Variants in PSPH observed in about 807,000 individuals in gnomAD.
PSPH encodes the protein L-3-phosphoserine phosphatase.
Under a neutral mutation model 23.4 loss-of-function variants are expected in PSPH, and 16 were observed. The ratio of observed to expected loss-of-function variants is 0.68; its 90% CI spans 0.46 to 1.04. PSPH has a LOEUF of 1.04. Ranked by LOEUF, PSPH falls within the 50% of genes least tolerant of loss-of-function variation. The pLI is 0.00. For missense variants in PSPH, 223 were observed against 273.7 expected, an observed-to-expected ratio of 0.81 and a Z score of 1.31; for synonymous variants, 68 against 99.7, an observed-to-expected ratio of 0.68 and a Z score of 1.89.
Position 56,048,776 on chromosome 7 carries a change from C to T in PSPH, c.-292+2362G>A, listed in dbSNP as rs149539394. On this transcript the variant is annotated intron_variant, in intron 1 of 7. Transcript: ENST00000275605. ...CCACACAAGTAGCTGGGATTACAGG[C>T]GTGTGCCACCACACCTGGCTTTTTT... Among the ~76,000 whole-genome samples, 161 of 147,476 alleles carry T rather than the reference C, an allele frequency of 1.1e-3. 1 individual carries two copies. The highest frequency in any genetic ancestry group is 3.8e-3 in the African/African-American group (153 of 40,126).
At chr7:56,038,195 T>C (rs561249139) in intron 1 of PSPH, among the ~76,000 whole-genome samples, 8 of 150,948 alleles carry the variant, frequency 5.3e-5, no homozygotes, top group African/African-American at 7.3e-5. Flanking sequence ...TCCCAGCACT[T>C]TGGGAGGCCG....
In PSPH at chr7:56,011,486, G is replaced by A. The variant is rs1241780554; in HGVS notation, c.*276C>T. The A allele has an allele frequency of 2.1e-5, 5 of 240,240 alleles. No homozygotes were observed. Among genetic ancestry groups the A allele is most frequent in the African/African-American group, 7.1e-5 (3 of 42,248 alleles). The allele number at this position is 240,240 out of a possible 1,614,324, so 14.9% of individuals were successfully genotyped here. A position where few individuals can be genotyped will look rare whatever the true frequency, so the allele number is the denominator to read the frequency against. ...AGAGCTTGCAGTGAGCCGAGACCGC[G>A]CCACTGCACTCCAGCCTGGGCAACA... On this transcript the variant is annotated 3_prime_UTR_variant, in exon 8 of 8. Coordinates refer to ENST00000275605, the MANE Select transcript of PSPH (RefSeq NM_004577.4).
chr7:56,040,325 T>C (rs968748304), intron 1 of PSPH, among the ~76,000 whole-genome samples: 1 of 152,114 alleles, frequency 6.6e-6, no homozygotes, highest in Admixed American at 6.6e-5. Flanking sequence ...CCAGGTATGA[T>C]ATATGGTTAT....
chr7:56,037,811 C>T (rs1791931859), intron 1 of PSPH, among the ~76,000 whole-genome samples: 1 of 145,284 alleles, frequency 6.9e-6, no homozygotes, highest in Admixed American at 7.3e-5. Context: ...CTCCTGGGTT[C>T]AAGTGATTCT....
At chr7:56,034,802 C>T (rs1216861104) in intron 1 of PSPH, among the ~76,000 whole-genome samples, 1 of 150,138 alleles carries the variant, frequency 6.7e-6, no homozygotes, top group Middle Eastern at 3.4e-3. Context: ...AGGCGTGAGC[C>T]ACCACGCCCG....
At chr7:56,015,241 G>T in intron 6 of PSPH, 70 bp from the exon 7 acceptor site, 1 of 1,553,694 alleles carries the variant, frequency 6.4e-7, no homozygotes, top group East Asian at 2.2e-5. Flanking sequence ...TTTCTGCATA[G>T]ATGATATCTT....
At chr7:56,014,095 C>T (rs2116492265) in intron 7 of PSPH, among the ~76,000 whole-genome samples, 1 of 152,300 alleles carries the variant, frequency 6.6e-6, no homozygotes, top group African/African-American at 2.4e-5. Context: ...CACCACTGCA[C>T]TCCAGCCTGG....
intron 3 of PSPH, among the ~76,000 whole-genome samples, chr7:56,022,331 C>G (rs1220781398): frequency 6.6e-6 from 1 of 151,914 alleles, no homozygotes; most frequent in Non-Finnish European, 1.5e-5. Context: ...AAGACCCTGA[C>G]TCTAACTAAA....
intron 7 of PSPH, among the ~76,000 whole-genome samples, chr7:56,013,731 C>CA (rs1443530706): frequency 1.3e-5 from 2 of 148,890 alleles, no homozygotes; most frequent in Non-Finnish European, 3.0e-5. Context: ...ACCCTGTCTC[C>CA]AAAAAATAAA....
intron 1 of PSPH, among the ~76,000 whole-genome samples, chr7:56,049,010 C>T (rs1793618651): frequency 6.6e-6 from 1 of 151,908 alleles, no homozygotes; most frequent in Non-Finnish European, 1.5e-5. Context: ...AGCTCCGCCT[C>T]TTGGATTCAT....
intron 7 of PSPH, among the ~76,000 whole-genome samples, chr7:56,012,836 C>A (rs919334676): frequency 6.7e-6 from 1 of 148,598 alleles, no homozygotes; most frequent in Non-Finnish European, 1.5e-5. Context: ...CTCAGGTGAT[C>A]CACCTGCCTC....
intron 3 of PSPH, among the ~76,000 whole-genome samples, chr7:56,023,921 T>C (rs532802309): frequency 2.6e-4 from 38 of 147,858 alleles, no homozygotes; most frequent in African/African-American, 8.9e-4. Context: ...TTTATTTTAC[T>C]TTTTTTTTTT....
chr7:56,014,812 G>T (rs1056489640), intron 7 of PSPH, among the ~76,000 whole-genome samples: 1 of 152,014 alleles, frequency 6.6e-6, no homozygotes, highest in Non-Finnish European at 1.5e-5. Flanking sequence ...GCATGGTGGC[G>T]TGTGCCTGTA....
At chr7:56,047,335 T>C (rs1024460705) in intron 1 of PSPH, among the ~76,000 whole-genome samples, 23 of 151,232 alleles carry the variant, frequency 1.5e-4, no homozygotes, top group Middle Eastern at 3.5e-3. Flanking sequence ...TGCAGTAAGC[T>C]GTGTGATTGA....
chr7:56,032,671 C>G (rs1791180181), intron 2 of PSPH, among the ~76,000 whole-genome samples: 1 of 139,482 alleles, frequency 7.2e-6, no homozygotes, highest in Non-Finnish European at 1.6e-5. Flanking sequence ...AAAAAAAAGG[C>G]CGGGCATGGG....
At chr7:56,041,743 G>A (rs934115412) in intron 1 of PSPH, among the ~76,000 whole-genome samples, 23 of 151,624 alleles carry the variant, frequency 1.5e-4, no homozygotes, top group African/African-American at 5.6e-4. Context: ...GGGCAACATG[G>A]CAAAACCCTG....
At chr7:56,050,632 A>G (rs1793910128) in intron 1 of PSPH, among the ~76,000 whole-genome samples, 1 of 152,158 alleles carries the variant, frequency 6.6e-6, no homozygotes, top group African/African-American at 2.4e-5. Context: ...ATTAGTCTTG[A>G]TATGGCACAA....
chr7:56,021,330 T>C, intron 3 of PSPH, 99 bp from the exon 4 acceptor site: 1 of 1,196,914 alleles, frequency 8.4e-7, no homozygotes, highest in Non-Finnish European at 1.2e-6. Context: ...TCAAAGTCAG[T>C]GCAGGCCACA....
intron 1 of PSPH, among the ~76,000 whole-genome samples, chr7:56,046,439 T>A (rs1316374709): frequency 6.6e-6 from 1 of 152,086 alleles, no homozygotes; most frequent in African/African-American, 2.4e-5. Flanking sequence ...CCATGTTGTC[T>A]AGGCTGGTCT....
Sources: gnomAD v4.1 joint callset for allele counts (sites outside exome capture counted in the v4.1 genomes callset) on GRCh38, gnomAD v4.1.1 for gene constraint, MANE v1.5 for transcripts, NCBI Gene and HGNC (gene_info 2026-07-23, HGNC 2026-07-21) for gene names.